The following KALRN variants were observed in gnomAD, a reference collection of about 807,000 sequenced individuals.
KALRN encodes the protein kalirin.
In KALRN, 70 loss-of-function variants were observed where a neutral mutation model predicts 353.7. That is an observed-to-expected ratio of 0.20 (90% CI 0.16 to 0.24). The LOEUF (loss-of-function observed/expected upper bound fraction) is 0.24. KALRN is among the 10% of genes least tolerant of loss of function. The pLI, the probability that KALRN is intolerant of heterozygous loss-of-function variation, is 1.00. For synonymous variants in KALRN, 1,391 were observed against 1,434.8 expected (o/e 0.97, Z 0.69); for missense variants, 2,791 against 3,756.7 (o/e 0.74, Z 6.72).
At chr3:124,128,645 T>A (rs556391478) in intron 1 of KALRN, among the ~76,000 whole-genome samples, 9 of 152,282 alleles carry the variant, frequency 5.9e-5, no homozygotes, top group African/African-American at 2.2e-4. Flanking sequence ...TCTTTTCTGA[T>A]GGAATAAGAC....
intron 1 of KALRN, among the ~76,000 whole-genome samples, chr3:124,179,688 T>C (rs1233543296): frequency 3.3e-5 from 5 of 152,362 alleles, no homozygotes; most frequent in African/African-American, 1.2e-4. Flanking sequence ...GCTACAATGT[T>C]ATAGCAGCTA....
chr3:124,124,935 G>T (rs928695032), intron 1 of KALRN, among the ~76,000 whole-genome samples: 1 of 152,148 alleles, frequency 6.6e-6, no homozygotes, highest in Non-Finnish European at 1.5e-5. Context: ...TGGTGGTCTG[G>T]AACCAAACCC....
intron 10 of KALRN, among the ~76,000 whole-genome samples, chr3:124,380,491 T>C (rs1560744593): frequency 2.0e-5 from 3 of 152,200 alleles, no homozygotes; most frequent in Non-Finnish European, 1.5e-5. Flanking sequence ...CCACAGGTCC[T>C]ACCTGAAAGC....
chr3:124,135,302 C>T (rs2065797933), intron 1 of KALRN, among the ~76,000 whole-genome samples: 1 of 152,078 alleles, frequency 6.6e-6, no homozygotes, highest in African/African-American at 2.4e-5. Flanking sequence ...CGTGTGTTCT[C>T]ACTGATATGT....
At chr3:124,362,212 A>T (rs1239337159) in intron 10 of KALRN, among the ~76,000 whole-genome samples, 2 of 152,324 alleles carry the variant, frequency 1.3e-5, no homozygotes, top group East Asian at 3.9e-4. Context: ...ATAAACACAC[A>T]TCACCAACAA....
chr3:124,364,271 A>C (rs1282419874), intron 10 of KALRN, among the ~76,000 whole-genome samples: 1 of 152,200 alleles, frequency 6.6e-6, no homozygotes, highest in Admixed American at 6.5e-5. Flanking sequence ...GTCATGGAAG[A>C]TAGCTCTTGG....
intron 14 of KALRN, among the ~76,000 whole-genome samples, chr3:124,418,530 T>G (rs1022242301): frequency 1.3e-5 from 2 of 152,184 alleles, no homozygotes; most frequent in Non-Finnish European, 2.9e-5. Context: ...GAAAAGATGT[T>G]CTGTATCTGA....
chr3:124,053,639 C>T (rs2041252430), intron 1 of KALRN, among the ~76,000 whole-genome samples: 1 of 152,200 alleles, frequency 6.6e-6, no homozygotes, highest in African/African-American at 2.4e-5. Context: ...CCCAGAGTGA[C>T]TGACGGTTGG....
intron 9 of KALRN, among the ~76,000 whole-genome samples, chr3:124,345,277 C>T (rs935957908): frequency 7.9e-5 from 12 of 152,174 alleles, no homozygotes; most frequent in African/African-American, 2.9e-4. Context: ...TACTATACTT[C>T]GCACCTAATA....
At chr3:124,272,895 G>A (rs2074316803) in intron 5 of KALRN, among the ~76,000 whole-genome samples, 1 of 152,210 alleles carries the variant, frequency 6.6e-6, no homozygotes, top group African/African-American at 2.4e-5. Context: ...GGCTGTGAGT[G>A]TGGATCCACA....
chr3:124,470,800 C>T (rs1291973127), intron 25 of KALRN, among the ~76,000 whole-genome samples: 1 of 152,156 alleles, frequency 6.6e-6, no homozygotes, highest in Non-Finnish European at 1.5e-5. Flanking sequence ...CTGATACTCG[C>T]CCCAAAAGTG....
intron 3 of KALRN, among the ~76,000 whole-genome samples, chr3:124,246,157 C>T (rs566132631): frequency 4.6e-5 from 7 of 152,356 alleles, no homozygotes; most frequent in East Asian, 1.9e-4. Flanking sequence ...GAGAAACCTC[C>T]GTACTGTTTT....
intron 34 of KALRN, among the ~76,000 whole-genome samples, chr3:124,623,196 G>A (rs2079487085): frequency 2.0e-5 from 3 of 148,992 alleles, no homozygotes; most frequent in Non-Finnish European, 4.4e-5. Flanking sequence ...TGTTGCCCAG[G>A]CTGGTCTCAA....
intron 5 of KALRN, among the ~76,000 whole-genome samples, chr3:124,296,883 C>G (rs370675813): frequency 6.6e-6 from 1 of 152,270 alleles, no homozygotes; most frequent in Non-Finnish European, 1.5e-5. Context: ...CTCTGAGAAG[C>G]CTTCTCTGCT....
chr3:124,330,244 T>TCACACACA (rs1278125602), intron 8 of KALRN, among the ~76,000 whole-genome samples: 17 of 96,172 alleles, frequency 1.8e-4, no homozygotes, highest in South Asian at 3.5e-4. Flanking sequence ...TCTCTCTCTC[T>TCACACACA]CTCACACACA....
chr3:124,157,777 C>T lies in KALRN; in HGVS notation c.74-70213C>T, dbSNP rs185666117. Among the ~76,000 whole-genome samples the T allele has an allele frequency of 2.7e-4, 41 of 152,270 alleles. No individual in the cohort carries two copies. In the East Asian group the frequency reaches 7.1e-3, roughly 27 times the overall value. The stretch of plus-strand genomic sequence containing the variant: ...GTATTTCTGATAAAGCTTGAGTTTC[C>T]AGTGCAGCAGAGGAGAAGAGGAGAG... On this transcript the variant is annotated intron_variant, in intron 1 of 59. Coordinates refer to ENST00000682506, the MANE Select transcript of KALRN (RefSeq NM_001388419.1).
chr3:124,432,794 T>C (rs558594907), intron 16 of KALRN, among the ~76,000 whole-genome samples: 1 of 152,354 alleles, frequency 6.6e-6, no homozygotes, highest in East Asian at 1.9e-4. Flanking sequence ...AAACACCTCT[T>C]AATCAGTTCT....
chr3:124,363,766 G>C (rs1276631295), intron 10 of KALRN, among the ~76,000 whole-genome samples: 1 of 152,196 alleles, frequency 6.6e-6, no homozygotes, highest in Non-Finnish European at 1.5e-5. Flanking sequence ...ATGTGTAGCA[G>C]GATTAGCCAG....
intron 9 of KALRN, among the ~76,000 whole-genome samples, chr3:124,343,877 A>G (rs568526799): frequency 2.2e-4 from 34 of 152,328 alleles, no homozygotes; most frequent in African/African-American, 8.2e-4. Context: ...CCACCTCCAG[A>G]GCTGCTCTAG....
Sources: allele counts gnomAD v4.1 joint callset (sites outside exome capture counted in the v4.1 genomes callset), GRCh38; gene constraint gnomAD v4.1.1; transcripts MANE v1.5; gene names NCBI Gene and HGNC (gene_info 2026-07-23, HGNC 2026-07-21).